NCOA2: variants seen among roughly 807,000 people sequenced by gnomAD.
NCOA2 encodes the protein nuclear receptor coactivator 2.
A neutral mutation model predicts 145.1 loss-of-function variants in NCOA2; 21 were observed. The observed-to-expected ratio is 0.14, with a 90% CI of 0.10 to 0.21. The LOEUF (loss-of-function observed/expected upper bound fraction) is 0.21. Ranked by LOEUF, NCOA2 falls within the 10% of genes least tolerant of loss-of-function variation. NCOA2 has a pLI of 1.00. For synonymous variants in NCOA2, 619 were observed against 637.5 expected (o/e 0.97, Z 0.44); for missense variants, 1,472 against 1,837.6 (o/e 0.80, Z 3.64).
chr8:70,149,396 ATG>A (rs1811501887), intron 11 of NCOA2, among the ~76,000 whole-genome samples: 1 of 120,088 alleles, frequency 8.3e-6, no homozygotes, highest in Non-Finnish European at 1.8e-5. Flanking sequence ...CACCACCACC[ATG>A]TCTGGCTAAT....
intron 1 of NCOA2, among the ~76,000 whole-genome samples, chr8:70,383,822 G>A (rs543868851): frequency 4.6e-5 from 7 of 152,078 alleles, no homozygotes; most frequent in South Asian, 2.1e-4. Flanking sequence ...TTTCTTTATT[G>A]CTATTTGAAT....
At chr8:70,394,316 C>T (rs907928913) in intron 1 of NCOA2, among the ~76,000 whole-genome samples, 2 of 152,120 alleles carry the variant, frequency 1.3e-5, no homozygotes, top group African/African-American at 4.8e-5. Context: ...CCACCATGCC[C>T]GGCTAATTTT....
At chr8:70,398,558 T>G (rs1048937681) in intron 1 of NCOA2, among the ~76,000 whole-genome samples, 2 of 152,230 alleles carry the variant, frequency 1.3e-5, no homozygotes, top group African/African-American at 4.8e-5. Context: ...CTACAAAGCA[T>G]AAATTCTGCC....
chr8:70,297,735 G>T (rs1004114232), intron 1 of NCOA2, among the ~76,000 whole-genome samples: 1 of 152,208 alleles, frequency 6.6e-6, no homozygotes, highest in African/African-American at 2.4e-5. Context: ...TTTCAATAAT[G>T]AGGGCAACTG....
intron 2 of NCOA2, among the ~76,000 whole-genome samples, chr8:70,219,458 C>A (rs981860202): frequency 3.9e-5 from 6 of 152,184 alleles, no homozygotes; most frequent in Non-Finnish European, 5.9e-5. Context: ...CCAGTACACA[C>A]CTCCAACCCA....
At chr8:70,135,159 G>GA (rs1809586411) in intron 15 of NCOA2, among the ~76,000 whole-genome samples, 1 of 152,080 alleles carries the variant, frequency 6.6e-6, no homozygotes. Context: ...CATACCACCA[G>GA]AAAACCAATA....
At chr8:70,260,938 A>T (rs1824061307) in intron 2 of NCOA2, among the ~76,000 whole-genome samples, 1 of 152,220 alleles carries the variant, frequency 6.6e-6, no homozygotes, top group South Asian at 2.1e-4. Context: ...CAATCATTAA[A>T]AAGTCAGGAA....
chr8:70,124,549 G>A (rs1454968903), intron 20 of NCOA2, 139 bp downstream of exon 20: 2 of 763,906 alleles, frequency 2.6e-6, no homozygotes, highest in South Asian at 2.4e-5. Context: ...TGCTGTGGAA[G>A]GCGGTGACCT....
intron 4 of NCOA2, among the ~76,000 whole-genome samples, chr8:70,203,266 A>AAAAAAAAG (rs1386795611): frequency 3.9e-4 from 59 of 151,566 alleles, no homozygotes; most frequent in African/African-American, 1.2e-3. Flanking sequence ...TGTCTCAAAA[A>AAAAAAAAG]AAAAAAGAAA....
At chr8:70,134,820 A>T (rs1809543365) in intron 15 of NCOA2, among the ~76,000 whole-genome samples, 1 of 152,220 alleles carries the variant, frequency 6.6e-6, no homozygotes, top group Non-Finnish European at 1.5e-5. Context: ...AAAGTTAAAC[A>T]GTGCCTCCAG....
the NCOA2 span, among the ~76,000 whole-genome samples, chr8:70,436,501 C>T: frequency 1.9e-4 from 29 of 152,266 alleles, no homozygotes; most frequent in Admixed American, 1.8e-3. Flanking sequence ...TTCGTGTTCC[C>T]ATATCAGTAA....
At chr8:70,138,373 G>T in intron 14 of NCOA2, 41 bp from the exon 15 acceptor site, 1 of 1,542,178 alleles carries the variant, frequency 6.5e-7, no homozygotes. Context: ...CTTTAATCAA[G>T]GAAGCATTTA....
chr8:70,340,330 A>T (rs1808012117), intron 1 of NCOA2, among the ~76,000 whole-genome samples: 1 of 152,206 alleles, frequency 6.6e-6, no homozygotes, highest in Non-Finnish European at 1.5e-5. Context: ...GCCAACAAAC[A>T]TATGAAAAAA....
chr8:70,147,034 G>A (rs578174366), intron 12 of NCOA2, among the ~76,000 whole-genome samples: 4 of 152,220 alleles, frequency 2.6e-5, no homozygotes, highest in East Asian at 1.9e-4. Flanking sequence ...TTTTGACTTC[G>A]TGATCTCCCA....
At chr8:70,235,853 A>AT (rs1207958748) in intron 2 of NCOA2, among the ~76,000 whole-genome samples, 2 of 151,894 alleles carry the variant, frequency 1.3e-5, no homozygotes, top group Non-Finnish European at 2.9e-5. Context: ...CAAAAAACAA[A>AT]TTTTTTTTCT....
chr8:70,179,248 G>T (rs1815209193), intron 4 of NCOA2, among the ~76,000 whole-genome samples: 1 of 151,908 alleles, frequency 6.6e-6, no homozygotes, highest in Non-Finnish European at 1.5e-5. Context: ...ATATTAAAAA[G>T]AAAAAAATCA....
intron 1 of NCOA2, among the ~76,000 whole-genome samples, chr8:70,316,458 T>C (rs1218593877): frequency 1.3e-5 from 2 of 152,222 alleles, no homozygotes; most frequent in Non-Finnish European, 2.9e-5. Context: ...CACTCTGGTT[T>C]TGTTTCCAGA....
chr8:70,131,713 G>T, intron 16 of NCOA2, 124 bp downstream of exon 16: 1 of 1,038,240 alleles, frequency 9.6e-7, no homozygotes, highest in Non-Finnish European at 1.4e-6. Context: ...AGCCTGTTTT[G>T]AGGTAAAAAA....
chr8:70,397,543 C>T (rs1434287187), intron 1 of NCOA2, among the ~76,000 whole-genome samples: 1 of 151,602 alleles, frequency 6.6e-6, no homozygotes, highest in Non-Finnish European at 1.5e-5. Flanking sequence ...CAAGGCTGCA[C>T]TCAGGAGCAT....
Sources: allele counts gnomAD v4.1 joint callset (sites outside exome capture counted in the v4.1 genomes callset), GRCh38; gene constraint gnomAD v4.1.1; transcripts MANE v1.5; gene names NCBI Gene and HGNC (gene_info 2026-07-23, HGNC 2026-07-21).